Variants in ESRRG observed in about 807,000 individuals in gnomAD.
ESRRG encodes the protein estrogen-related receptor gamma.
Under a neutral mutation model 44.0 loss-of-function variants are expected in ESRRG, and 13 were observed. The observed-to-expected ratio is 0.30, with a 90% CI of 0.19 to 0.47. The LOEUF (loss-of-function observed/expected upper bound fraction) is 0.47, where lower values mean the gene tolerates loss of function less well. Among genes scored for constraint, ESRRG ranks in the 20% least tolerant of loss-of-function variants. The probability of loss-of-function intolerance (pLI) is 1.00; values close to 1 mark genes in which losing one functional copy is unlikely to be tolerated. For synonymous variants in ESRRG, 215 were observed against 214.6 expected (o/e 1.00, Z -0.02); for missense variants, 395 against 580.6 (o/e 0.68, Z 3.29).
chr1:217,071,631 AG>A (rs1332617469), intron 1 of ESRRG, among the ~76,000 whole-genome samples: 1 of 152,184 alleles, frequency 6.6e-6, no homozygotes, highest in Non-Finnish European at 1.5e-5. Context: ...GGCAATTTGT[AG>A]GGAGAATTTC....
rs113577732 is a variant in ESRRG, at chr1:217,035,888, A to C, written c.-106+53619T>G. Among the ~76,000 whole-genome samples the C allele has an allele frequency of 1.6e-4, 25 of 152,250 alleles. 1 individual carries two copies. The highest frequency in any genetic ancestry group is 5.8e-4 in the African/African-American group (24 of 41,460). On this transcript the variant is annotated intron_variant, in intron 1 of 7. Coordinates refer to the ESRRG transcript ENST00000359162. ...GTAAACAGACAACTTACAGAATGAG[A>C]GAAAATTTTTGCAGATTATGCATTC...
At chr1:216,683,256 G>A (rs1043012653) in intron 1 of ESRRG, among the ~76,000 whole-genome samples, 1 of 152,126 alleles carries the variant, frequency 6.6e-6, no homozygotes, top group Non-Finnish European at 1.5e-5. Context: ...TGTAAAGAAA[G>A]AATTGTGAAT....
chr1:216,934,646 C>T (rs986243775), intron 2 of ESRRG, among the ~76,000 whole-genome samples: 4 of 152,086 alleles, frequency 2.6e-5, no homozygotes, highest in African/African-American at 9.7e-5. Flanking sequence ...GACATATTAA[C>T]CATCACAAGA....
intron 2 of ESRRG, among the ~76,000 whole-genome samples, chr1:216,734,284 C>T (rs1326447293): frequency 6.6e-6 from 1 of 152,138 alleles, no homozygotes; most frequent in African/African-American, 2.4e-5. Flanking sequence ...TGTTCACACT[C>T]ATTGATATGG....
Position 216,945,530 on chromosome 1 carries a change from C to T in ESRRG, c.-105-5857G>A, listed in dbSNP as rs1166926772. Among the ~76,000 whole-genome samples, 4 of 151,804 alleles carry T rather than the reference C, an allele frequency of 2.6e-5. No individual in the cohort carries two copies. In the East Asian group the frequency reaches 7.7e-4, roughly 29 times the overall value. On this transcript the variant is annotated intron_variant, in intron 1 of 7. Transcript: ENST00000359162. ...AAAATCCACAAATCTTTCTTCCCCT[C>T]TCTATACCTATTTATTTATTATTTT... is the stretch of plus-strand genomic sequence containing the variant.
chr1:216,821,689 AAAATAAATAAAT>A (rs199753545), intron 2 of ESRRG, among the ~76,000 whole-genome samples: 2,500 of 113,086 alleles, frequency 0.022, 255 homozygotes, highest in Middle Eastern at 0.026. Flanking sequence ...TGCCTCAGGA[AAAATAAATAAAT>A]AAATAAATAA....
chr1:216,841,159 G>A lies in ESRRG; in HGVS notation c.-14+98423C>T, dbSNP rs952603983. Among the ~76,000 whole-genome samples the A allele has an allele frequency of 2.6e-5, 4 of 152,050 alleles. No individual in the cohort carries two copies. The East Asian group carries it at 5.8e-4, about 22-fold the overall frequency. On this transcript the variant is annotated intron_variant, in intron 2 of 7. Transcript: ENST00000359162. ...CAAATTGGTGGCCCCCTTGTTAAAG[G>A]TTATTGTGGATCTTTAAATTAAAAT...
At chr1:216,631,190 C>T (rs1498289) in intron 3 of ESRRG, among the ~76,000 whole-genome samples, 5,528 of 152,164 alleles carry the variant, frequency 0.036, 129 homozygotes, top group Non-Finnish European at 0.055. Context: ...AAGGATGGAA[C>T]TCAGATTCTG....
chr1:217,071,036 T>C (rs1027474551), intron 1 of ESRRG, among the ~76,000 whole-genome samples: 1 of 152,154 alleles, frequency 6.6e-6, no homozygotes, highest in African/African-American at 2.4e-5. Context: ...CCTCCTCCTC[T>C]TTCTTCTCCT....
chr1:216,558,641 C>T (rs1347966007), intron 5 of ESRRG, among the ~76,000 whole-genome samples: 1 of 151,642 alleles, frequency 6.6e-6, no homozygotes, highest in Non-Finnish European at 1.5e-5. Flanking sequence ...AAATAATTTG[C>T]ATGTATTTTT....
intron 2 of ESRRG, among the ~76,000 whole-genome samples, chr1:216,837,292 T>A (rs1354783115): frequency 2.0e-5 from 3 of 151,784 alleles, no homozygotes; most frequent in African/African-American, 4.8e-5. Flanking sequence ...GTGCCTGTAG[T>A]CCCAGCTACT....
chr1:216,635,693 C>T lies in ESRRG; in HGVS notation c.589+15280G>A, dbSNP rs564411428. On this transcript the variant is annotated intron_variant, in intron 3 of 6. Coordinates refer to ENST00000408911, the MANE Select transcript of ESRRG (RefSeq NM_001438.4). ...ATTCTGGCAGGTTTTGCTGACCCTG[C>T]CTGTCACCTTCAGCTCTCCTGCACA... Among the ~76,000 whole-genome samples, 21 of 152,208 alleles carry T rather than the reference C, an allele frequency of 1.4e-4. No homozygotes were observed. In the South Asian group the frequency reaches 4.4e-3, roughly 32 times the overall value.
chr1:217,026,210 C>T (rs769588982), intron 1 of ESRRG, among the ~76,000 whole-genome samples: 3 of 152,194 alleles, frequency 2.0e-5, no homozygotes, highest in Non-Finnish European at 4.4e-5. Context: ...ACCTGTGTGA[C>T]GGCCACAGCT....
rs190100476 is a variant in ESRRG, at chr1:216,775,507, C to T, written c.-13-98016G>A. ...CACCACTCTATTCCCAATTGCTCAA[C>T]CCTGACAGCATGGAGTCTTTCCCAC... On this transcript the variant is annotated intron_variant, in intron 2 of 7. Coordinates refer to the ESRRG transcript ENST00000359162. Among the ~76,000 whole-genome samples, 279 of 147,596 alleles carry T rather than the reference C, an allele frequency of 1.9e-3. 1 individual carries two copies. Among genetic ancestry groups the T allele is most frequent in the African/African-American group, 6.7e-3 (271 of 40,296 alleles).
intron 1 of ESRRG, among the ~76,000 whole-genome samples, chr1:217,081,368 C>T (rs1015585337): frequency 1.3e-5 from 2 of 151,404 alleles, no homozygotes; most frequent in African/African-American, 4.9e-5. Flanking sequence ...GCTGGGATTA[C>T]AGGCATGAGC....
At chr1:216,603,955 A>AAAAC (rs2059598447) in intron 3 of ESRRG, among the ~76,000 whole-genome samples, 1 of 152,012 alleles carries the variant, frequency 6.6e-6, no homozygotes, top group African/African-American at 2.4e-5. Context: ...CAAAAAAAAA[A>AAAAC]AAAAAAAGGA....
In ESRRG at chr1:216,660,434, G is replaced by A. The variant is rs372798403; in HGVS notation, c.473-9345C>T. Among the ~76,000 whole-genome samples, 34 of 152,266 alleles carry A rather than the reference G, an allele frequency of 2.2e-4. No homozygotes were observed. The South Asian group carries it at 6.6e-3, about 30-fold the overall frequency. ...GAGATTTAAGGCAGAGAGAGAATAA[G>A]GTAACATACCCAGAATCATATAGCT... On this transcript the variant is annotated intron_variant, in intron 2 of 6. Coordinates refer to ENST00000408911, the MANE Select transcript of ESRRG (RefSeq NM_001438.4).
In ESRRG at chr1:216,788,877, C is replaced by A. The variant is rs2094217784; in HGVS notation, c.-13-111386G>T. On this transcript the variant is annotated intron_variant, in intron 2 of 7. Transcript: ENST00000359162. ...ATGAATGACTTTAAGGAATTCAAGA[C>A]TTCAGTGGAGGGAGGAGCTGTAGTT... 2.6e-5 allele frequency among the ~76,000 whole-genome samples: 4 copies of A among 152,022 alleles called. No homozygotes were observed. In the South Asian group the frequency reaches 8.3e-4, roughly 31 times the overall value.
At chr1:216,667,048 G>A (rs2074091712) in intron 2 of ESRRG, among the ~76,000 whole-genome samples, 1 of 152,140 alleles carries the variant, frequency 6.6e-6, no homozygotes, top group African/African-American at 2.4e-5. Context: ...CAGGATAGGG[G>A]ATGCTCCCAC....
Sources: allele counts gnomAD v4.1 joint callset (sites outside exome capture counted in the v4.1 genomes callset), GRCh38; gene constraint gnomAD v4.1.1; transcripts MANE v1.5; gene names NCBI Gene and HGNC (gene_info 2026-07-23, HGNC 2026-07-21).